The following SDK1 variants were observed in gnomAD, a reference collection of about 807,000 sequenced individuals.
SDK1 encodes protein sidekick-1.
A neutral mutation model predicts 245.5 loss-of-function variants in SDK1; 157 were observed. The ratio of observed to expected loss-of-function variants is 0.64; its 90% CI spans 0.56 to 0.73. The LOEUF is 0.73. Ranked by LOEUF, SDK1 falls within the 30% of genes least tolerant of loss-of-function variation. The pLI is 0.00. For synonymous variants in SDK1, 1,647 were observed against 1,278.5 expected (o/e 1.29, Z -6.15); for missense variants, 3,583 against 3,002.3 (o/e 1.19, Z -4.52).
intron 32 of SDK1, among the ~76,000 whole-genome samples, chr7:4,170,242 T>C (rs112106756): frequency 1.1e-4 from 16 of 152,262 alleles, no homozygotes; most frequent in African/African-American, 3.9e-4. Context: ...AGCCCAGTAG[T>C]TCGAGACCAG....
Position 3,962,803 on chromosome 7 carries a change from A to G in SDK1, c.1381A>G (p.Ser461Gly), listed in dbSNP as rs1781802810. The stretch of plus-strand genomic sequence containing the variant: ...CTCCGGAATCTTCCAGTGCTTCGCC[A>G]GCAATGAAGGAGGGGAGATCCAGAC... ...EDSGIFQCFASNEGGEIQTHT... is the reference protein window; with the variant it reads ...EDSGIFQCFAGNEGGEIQTHT... Residue 461 changes from serine (S) to glycine (G), a missense_variant, in exon 9 of 45, where the codon AGC becomes GGC. Ser to Gly is a moderately conservative substitution (Grantham distance 56, BLOSUM62 0). Transcript: ENST00000404826. 2 of 1,613,646 alleles carry G rather than the reference A, an allele frequency of 1.2e-6. No individual in the cohort carries two copies. Among genetic ancestry groups the G allele is most frequent in the East Asian group, 4.5e-5 (2 of 44,874 alleles).
chr7:3,628,556 C>T lies in SDK1; in HGVS notation c.458+9317C>T, dbSNP rs139680249. Among the ~76,000 whole-genome samples, 600 of 152,238 alleles carry T rather than the reference C, an allele frequency of 3.9e-3. 6 individuals are homozygous for T. Among genetic ancestry groups the T allele is most frequent in the African/African-American group, 0.014 (585 of 41,554 alleles). On this transcript the variant is annotated intron_variant, in intron 2 of 44. Coordinates refer to ENST00000404826, the MANE Select transcript of SDK1 (RefSeq NM_152744.4). The stretch of plus-strand genomic sequence containing the variant: ...AGACTCCCCACAACATCCTTATCCA[C>T]AACAGATATCTCTGGCAACATTCTA...
At chr7:3,662,328 G>C (rs1562639548) in intron 4 of SDK1, among the ~76,000 whole-genome samples, 1 of 152,124 alleles carries the variant, frequency 6.6e-6, no homozygotes, top group South Asian at 2.1e-4. Flanking sequence ...ATCCTGTCTG[G>C]TTACACAAAA....
intron 1 of SDK1, among the ~76,000 whole-genome samples, chr7:3,482,232 A>T (rs1781543588): frequency 1.3e-5 from 2 of 152,224 alleles, no homozygotes. Flanking sequence ...TAGAGGAGAG[A>T]TGTAAAAAAC....
intron 5 of SDK1, among the ~76,000 whole-genome samples, chr7:3,944,224 T>C (rs1292335341): frequency 6.6e-6 from 1 of 152,238 alleles, no homozygotes; most frequent in African/African-American, 2.4e-5. Context: ...ACCATGTGAC[T>C]TAGGGCCTCA....
chr7:4,073,158 G>A (rs991010005), intron 20 of SDK1, among the ~76,000 whole-genome samples: 1 of 152,196 alleles, frequency 6.6e-6, no homozygotes, highest in Non-Finnish European at 1.5e-5. Context: ...CCTGGCTCCG[G>A]GCGCCTCTCT....
At chr7:3,485,759 T>C (rs1781675251) in intron 1 of SDK1, among the ~76,000 whole-genome samples, 1 of 143,110 alleles carries the variant, frequency 7.0e-6, no homozygotes, top group South Asian at 2.2e-4. Context: ...TATTTAAAAA[T>C]GTTCCATCTA....
intron 5 of SDK1, among the ~76,000 whole-genome samples, chr7:3,917,358 G>A (rs1355886697): frequency 6.6e-6 from 1 of 152,148 alleles, no homozygotes; most frequent in Non-Finnish European, 1.5e-5. Context: ...GGGATATCAG[G>A]TGTCCTCTTT....
chr7:3,958,124 A>G (rs1781408744), intron 7 of SDK1: 1 of 399,320 alleles, frequency 2.5e-6, no homozygotes, highest in South Asian at 1.9e-5. Flanking sequence ...TAATGAAAGT[A>G]AACCAGCTCT....
chr7:4,059,157 A>T (rs961522893), intron 19 of SDK1, among the ~76,000 whole-genome samples: 1 of 152,306 alleles, frequency 6.6e-6, no homozygotes, highest in Admixed American at 6.5e-5. Context: ...AAAAACAAAA[A>T]CAAAAACAAA....
rs555503678 is a variant in SDK1 at position 3,314,457 on chromosome 7, C to T, written c.298+12573C>T. The stretch of plus-strand genomic sequence containing the variant: ...TAAATGTGCAGGGTGAAGCACTGTT[C>T]AGAGCTGAGATAAAGCATACACAAA... On this transcript the variant is annotated intron_variant, in intron 1 of 44. Coordinates refer to ENST00000404826, the MANE Select transcript of SDK1 (RefSeq NM_152744.4). Among the ~76,000 whole-genome samples, 10 of 152,266 alleles carry T rather than the reference C, an allele frequency of 6.6e-5. No homozygotes were observed. In the South Asian group the frequency reaches 1.0e-3, roughly 16 times the overall value.
At chr7:4,084,732 T>TTATG (rs371969484) in intron 22 of SDK1, among the ~76,000 whole-genome samples, 2 of 89,180 alleles carry the variant, frequency 2.2e-5, no homozygotes, top group Non-Finnish European at 4.7e-5. Flanking sequence ...TTATGTTATG[T>TTATG]TGTTACTTAA....
chr7:3,831,552 A>C (rs1583458766), intron 5 of SDK1, among the ~76,000 whole-genome samples: 1 of 152,190 alleles, frequency 6.6e-6, no homozygotes, highest in Non-Finnish European at 1.5e-5. Context: ...GAGCACCTAG[A>C]GTGGTACCAA....
chr7:4,201,371 A>G (rs1381202959), intron 35 of SDK1, among the ~76,000 whole-genome samples: 1 of 152,186 alleles, frequency 6.6e-6, no homozygotes, highest in African/African-American at 2.4e-5. Context: ...AGAGAATTCT[A>G]TTTCCCATAG....
At chr7:3,321,997 C>T (rs1779826896) in intron 1 of SDK1, among the ~76,000 whole-genome samples, 1 of 143,856 alleles carries the variant, frequency 7.0e-6, no homozygotes, top group Non-Finnish European at 1.5e-5. Flanking sequence ...TTTTTATTAG[C>T]TTCTTTCTAA....
Position 4,132,424 on chromosome 7 carries a change from G to A in SDK1, c.4228+1G>A, listed in dbSNP as rs1202126278. On this transcript the variant is annotated splice_donor_variant, in intron 28 of 44. Coordinates refer to ENST00000404826, the MANE Select transcript of SDK1 (RefSeq NM_152744.4). LOFTEE classifies it high-confidence loss of function. ...GAGGAGCCCAACGGCATCATCCTGGGTAAGGGAGCGGCGGTGGCCGGGCGT... is the reference window on the plus strand; with the variant it reads ...GAGGAGCCCAACGGCATCATCCTGGATAAGGGAGCGGCGGTGGCCGGGCGT... The A allele has an allele frequency of 2.5e-6, 4 of 1,605,788 alleles. No individual in the cohort carries two copies. Among genetic ancestry groups the A allele is most frequent in the Non-Finnish European group, 8.5e-7 (1 of 1,175,148 alleles).
chr7:4,151,722 G>A (rs1446919392), intron 30 of SDK1, among the ~76,000 whole-genome samples: 5 of 152,142 alleles, frequency 3.3e-5, no homozygotes, highest in African/African-American at 9.7e-5. Context: ...CATTTCATAC[G>A]ATCTTTGTAA....
chr7:4,059,285 G>A (rs935788150), intron 19 of SDK1, among the ~76,000 whole-genome samples: 6 of 152,170 alleles, frequency 3.9e-5, no homozygotes, highest in African/African-American at 1.4e-4. Context: ...GAAAGCAAAA[G>A]TGAACAGGAG....
intron 1 of SDK1, among the ~76,000 whole-genome samples, chr7:3,582,683 T>TAAAAAAAAAAAATAAAAAA (rs1780545850): frequency 1.4e-5 from 1 of 69,672 alleles, no homozygotes; most frequent in Non-Finnish European, 2.7e-5. Flanking sequence ...TAAACTAAAG[T>TAAAAAAAAAAAATAAAAAA]AAAAAAAAAA....
Sources: gnomAD v4.1 joint callset for allele counts (sites outside exome capture counted in the v4.1 genomes callset) on GRCh38, gnomAD v4.1.1 for gene constraint, MANE v1.5 for transcripts, NCBI Gene and HGNC (gene_info 2026-07-23, HGNC 2026-07-21) for gene names.